SDK1: variants seen among roughly 807,000 people sequenced by gnomAD.
The protein encoded by SDK1 is protein sidekick-1.
Under a neutral mutation model 245.5 loss-of-function variants are expected in SDK1, and 157 were observed. The observed-to-expected ratio is 0.64, with a 90% confidence interval of 0.56 to 0.73. SDK1 has a LOEUF of 0.73. SDK1 is among the 30% of genes least tolerant of loss of function. SDK1 has a pLI of 0.00. For missense variants in SDK1, 3,583 were observed against 3,002.3 expected (o/e 1.19, Z -4.52); for synonymous variants, 1,647 against 1,278.5 (o/e 1.29, Z -6.15).
intron 1 of SDK1, among the ~76,000 whole-genome samples, chr7:3,568,417 G>A (rs1339716967): frequency 2.6e-5 from 4 of 152,024 alleles, no homozygotes; most frequent in Non-Finnish European, 5.9e-5. Context: ...TGTGGTATAT[G>A]TATATTTTTT....
chr7:3,304,590 G>C (rs558602441), intron 1 of SDK1, among the ~76,000 whole-genome samples: 9 of 152,148 alleles, frequency 5.9e-5, no homozygotes, highest in Non-Finnish European at 1.2e-4. Flanking sequence ...GTCTCCACTT[G>C]GACCTATGGT....
At position 3,856,481 on chromosome 7, in the gene SDK1, T is replaced by TAA. The variant is rs34024559; in HGVS notation, c.847+34918_847+34919dup. On this transcript the variant is annotated intron_variant, in intron 5 of 44. Coordinates refer to ENST00000404826, the MANE Select transcript of SDK1 (RefSeq NM_152744.4). Reference sequence around the variant, plus strand: ...AAGGACAGAGCCTTTCAGGTAATGTTAAAAAAAAAAAAAAAAAAAAAGCAG... The same window carrying TAA: ...AAGGACAGAGCCTTTCAGGTAATGTTAAAAAAAAAAAAAAAAAAAAAAAGCAG... Among the ~76,000 whole-genome samples the TAA allele has an allele frequency of 9.9e-3, 1,184 of 119,146 alleles. 45 individuals carry two copies. The highest frequency in any genetic ancestry group is 0.074 in the Admixed American group (865 of 11,636). 78.2% of individuals were successfully genotyped at this position (119,146 alleles called of 152,430 possible).
intron 5 of SDK1, among the ~76,000 whole-genome samples, chr7:3,845,933 G>A (rs1001471452): frequency 6.6e-6 from 1 of 152,136 alleles, no homozygotes; most frequent in African/African-American, 2.4e-5. Flanking sequence ...GAGCTGCTCT[G>A]CTACCTACAA....
chr7:3,550,342 T>C (rs1473226606), intron 1 of SDK1, among the ~76,000 whole-genome samples: 1 of 152,212 alleles, frequency 6.6e-6, no homozygotes, highest in African/African-American at 2.4e-5. Flanking sequence ...CTTTTCTAAA[T>C]GTAGTCTCCA....
chr7:4,139,709 G>GTGTGTA (rs1779430578), intron 28 of SDK1, among the ~76,000 whole-genome samples: 3 of 36,666 alleles, frequency 8.2e-5, no homozygotes, highest in African/African-American at 2.2e-4. Flanking sequence ...GTGTGTATGT[G>GTGTGTA]TGTGTGTGTG....
At chr7:4,045,139 A>G (rs1270505971) in intron 17 of SDK1, among the ~76,000 whole-genome samples, 1 of 152,162 alleles carries the variant, frequency 6.6e-6, no homozygotes, top group Admixed American at 6.5e-5. Context: ...ATCCCATTCC[A>G]TAGACACACT....
At position 3,850,670 on chromosome 7, in the gene SDK1, T is replaced by C. The variant is rs529125975; in HGVS notation, c.847+29087T>C. ...GGCACATATACACCATGGAATACTA[T>C]GCGGCCATAAAAAAGGATGCGTTCA... On this transcript the variant is annotated intron_variant, in intron 5 of 44. Coordinates refer to ENST00000404826, the MANE Select transcript of SDK1 (RefSeq NM_152744.4). Among the ~76,000 whole-genome samples, 264 of 152,296 alleles carry C rather than the reference T, an allele frequency of 1.7e-3. 2 individuals are homozygous for C. Among genetic ancestry groups the C allele is most frequent in the Non-Finnish European group, 2.6e-3 (176 of 68,042 alleles).
chr7:3,567,466 G>A (rs765926536), intron 1 of SDK1, among the ~76,000 whole-genome samples: 63 of 152,316 alleles, frequency 4.1e-4, no homozygotes, highest in Middle Eastern at 6.8e-3. Flanking sequence ...GTGCTACTAT[G>A]TGTCTTGACG....
chr7:3,672,046 C>G (rs1398103698), intron 4 of SDK1, among the ~76,000 whole-genome samples: 6 of 152,070 alleles, frequency 3.9e-5, no homozygotes, highest in Non-Finnish European at 8.8e-5. Context: ...CTGGCGGCCT[C>G]TGGGAGGGCT....
chr7:4,029,052 T>G (rs2128157547), intron 17 of SDK1, among the ~76,000 whole-genome samples: 1 of 141,384 alleles, frequency 7.1e-6, no homozygotes, highest in Middle Eastern at 4.0e-3. Flanking sequence ...CCCCGTTTGC[T>G]TTTCCGAGGG....
At chr7:3,659,638 C>T (rs1016507740) in intron 4 of SDK1, among the ~76,000 whole-genome samples, 3 of 152,088 alleles carry the variant, frequency 2.0e-5, no homozygotes, top group Non-Finnish European at 2.9e-5. Context: ...ATTTTCTCCA[C>T]GTGTAGTGGG....
intron 1 of SDK1, among the ~76,000 whole-genome samples, chr7:3,486,976 C>G (rs1156670150): frequency 6.6e-6 from 1 of 152,132 alleles, no homozygotes; most frequent in African/African-American, 2.4e-5. Context: ...TATTAGCTAT[C>G]TTTTTATGGT....
At chr7:4,108,757 CA>C (rs1316932840) in intron 22 of SDK1, among the ~76,000 whole-genome samples, 1 of 152,092 alleles carries the variant, frequency 6.6e-6, no homozygotes, top group Admixed American at 6.5e-5. Flanking sequence ...GTGCAACCAC[CA>C]CATCTGTCTA....
intron 1 of SDK1, among the ~76,000 whole-genome samples, chr7:3,563,007 G>A (rs568644415): frequency 1.3e-3 from 193 of 152,282 alleles, no homozygotes; most frequent in Middle Eastern, 3.4e-3. Flanking sequence ...GAAAATACAT[G>A]CAAGTAACCC....
intron 5 of SDK1, among the ~76,000 whole-genome samples, chr7:3,857,665 C>T (rs1010365556): frequency 6.1e-5 from 9 of 148,408 alleles, no homozygotes; most frequent in African/African-American, 7.5e-5. Flanking sequence ...CCAGCCTGGC[C>T]GACAGAGTAA....
intron 43 of SDK1, among the ~76,000 whole-genome samples, chr7:4,245,166 C>A (rs532554461): frequency 6.6e-6 from 1 of 152,106 alleles, no homozygotes; most frequent in Non-Finnish European, 1.5e-5. Context: ...AGAATTCCAC[C>A]AGCCAGAGAG....
intron 17 of SDK1, among the ~76,000 whole-genome samples, chr7:4,033,787 T>G (rs1419008259): frequency 6.6e-6 from 1 of 152,046 alleles, no homozygotes; most frequent in East Asian, 1.9e-4. Context: ...TGCAAAAGTC[T>G]GACAATACTC....
At position 4,174,294 on chromosome 7, in the gene SDK1, G is replaced by A. The variant is rs1303909979; in HGVS notation, c.4873G>A (p.Ala1625Thr). Reference protein sequence around the residue: ...RIYYRELEYEAGSGTEAKTLK... With the variant: ...RIYYRELEYETGSGTEAKTLK... Reference sequence around the variant, plus strand: ...CTACTACAGGGAGCTGGAGTATGAAGCCGGGTCAGGCACTGAGGCCAAGAC... The same window carrying A: ...CTACTACAGGGAGCTGGAGTATGAAACCGGGTCAGGCACTGAGGCCAAGAC... The change falls in exon 33 of 45, where the codon GCC (alanine) becomes ACC (threonine). Residue 1625 changes from alanine (A) to threonine (T), a missense_variant. Physicochemically the swap from Ala to Thr is moderately conservative, Grantham distance 58 (BLOSUM62 0). Coordinates refer to ENST00000404826, the MANE Select transcript of SDK1 (RefSeq NM_152744.4). 2 of 1,613,852 alleles carry A rather than the reference G, an allele frequency of 1.2e-6. No individual in the cohort carries two copies. The highest frequency in any genetic ancestry group is 1.3e-5 in the African/African-American group (1 of 74,936).
At chr7:3,689,068 C>G (rs1216228894) in intron 4 of SDK1, among the ~76,000 whole-genome samples, 1 of 152,178 alleles carries the variant, frequency 6.6e-6, no homozygotes, top group African/African-American at 2.4e-5. Flanking sequence ...TTATGTGTCA[C>G]TTGTGGTGGT....
Sources: gnomAD v4.1 joint callset for allele counts (sites outside exome capture counted in the v4.1 genomes callset) on GRCh38, gnomAD v4.1.1 for gene constraint, MANE v1.5 for transcripts, NCBI Gene and HGNC (gene_info 2026-07-23, HGNC 2026-07-21) for gene names.